The following NEK4 variants were observed in gnomAD, a reference collection of about 807,000 sequenced individuals.
NEK4 encodes serine/threonine-protein kinase Nek4.
Under a neutral mutation model 98.4 loss-of-function variants are expected in NEK4, and 86 were observed. That is an observed-to-expected ratio of 0.87 (90% CI 0.73 to 1.05). The LOEUF (loss-of-function observed/expected upper bound fraction) is 1.05. Ranked by LOEUF, NEK4 falls within the 50% of genes least tolerant of loss-of-function variation. The pLI is 0.00. For missense variants in NEK4, 898 were observed against 950.3 expected, an observed-to-expected ratio of 0.94 and a Z score of 0.72; for synonymous variants, 328 against 342.2, an observed-to-expected ratio of 0.96 and a Z score of 0.46.
Position 52,770,763 on chromosome 3 carries a change from C to A in NEK4, c.-17G>T. 1 of 1,552,872 alleles carries A rather than the reference C, an allele frequency of 6.4e-7. No individual in the cohort carries two copies. Among genetic ancestry groups the A allele is most frequent in the Non-Finnish European group, 8.7e-7 (1 of 1,149,518 alleles). ...CAGGGGCATGTTCCCAGCGCTGGCC[C>A]AGAGTCGGGATGCGGCGGCAGCGGC... is the stretch of plus-strand genomic sequence containing the variant. On this transcript the variant is annotated 5_prime_UTR_variant, in exon 1 of 16. Transcript: ENST00000233027.
chr3:52,763,646 T>C (rs189659485), intron 4 of NEK4, 22 bp from the exon 5 acceptor site: 1,157 of 1,536,278 alleles, frequency 7.5e-4, no homozygotes, highest in Non-Finnish European at 9.6e-4. Flanking sequence ...AATAATATTG[T>C]AATTATGACT....
intron 15 of NEK4, among the ~76,000 whole-genome samples, chr3:52,713,201 A>G (rs1381581535): frequency 6.6e-6 from 1 of 152,224 alleles, no homozygotes; most frequent in Non-Finnish European, 1.5e-5. Context: ...TATGTTAAAC[A>G]GATACTGTGA....
intron 15 of NEK4, among the ~76,000 whole-genome samples, chr3:52,724,377 G>A (rs911703654): frequency 6.6e-6 from 1 of 152,076 alleles, no homozygotes; most frequent in African/African-American, 2.4e-5. Context: ...GAACTGTGGA[G>A]GCCAGAAAGC....
intron 8 of NEK4, 31 bp downstream of exon 8, chr3:52,749,661 C>T (rs914789892): frequency 1.7e-5 from 4 of 240,184 alleles, no homozygotes; most frequent in Admixed American, 1.0e-4. Context: ...TGGTAAAACC[C>T]CATCTCTGCT....
Position 52,770,774 on chromosome 3 carries a change from T to TGCGGCG in NEK4, c.-34_-29dup. 1 of 1,543,664 alleles carries TGCGGCG rather than the reference T, an allele frequency of 6.5e-7. No homozygotes were observed. Among genetic ancestry groups the TGCGGCG allele is most frequent in the Non-Finnish European group, 8.7e-7 (1 of 1,143,390 alleles). The stretch of plus-strand genomic sequence containing the variant: ...TCCCAGCGCTGGCCCAGAGTCGGGA[T>TGCGGCG]GCGGCGGCAGCGGCGGGTAGGGCAG... On this transcript the variant is annotated 5_prime_UTR_variant, in exon 1 of 16. Coordinates refer to ENST00000233027, the MANE Select transcript of NEK4 (RefSeq NM_003157.6).
chr3:52,714,255 C>G (rs2878726), intron 15 of NEK4, among the ~76,000 whole-genome samples: 51,508 of 152,094 alleles, frequency 0.34, 9,731 homozygotes, highest in Admixed American at 0.46. Context: ...GGAAACGGTG[C>G]TAAGAGAAAA....
intron 15 of NEK4, among the ~76,000 whole-genome samples, chr3:52,735,844 G>C: frequency 6.6e-6 from 1 of 152,328 alleles, no homozygotes; most frequent in African/African-American, 2.4e-5. Flanking sequence ...TGAAGGAGTT[G>C]TTTGTTTCTG....
chr3:52,741,217 C>G (rs1057260581), intron 13 of NEK4, among the ~76,000 whole-genome samples, 194 bp downstream of exon 13: 1 of 103,620 alleles, frequency 9.7e-6, no homozygotes, highest in South Asian at 3.1e-4. Context: ...GCCTGGGCAA[C>G]AAGAGCGAAA....
intron 15 of NEK4, among the ~76,000 whole-genome samples, chr3:52,718,057 G>A (rs1678887424): frequency 6.6e-6 from 1 of 151,902 alleles, no homozygotes; most frequent in African/African-American, 2.4e-5. Flanking sequence ...GTCTCCCAAG[G>A]TTCTGGGATC....
intron 10 of NEK4, among the ~76,000 whole-genome samples, chr3:52,744,776 T>A (rs547181120): frequency 7.4e-6 from 1 of 135,562 alleles, no homozygotes; most frequent in Admixed American, 7.5e-5. Flanking sequence ...CTTAGAGGAG[T>A]GTCCATTGGA....
intron 6 of NEK4, chr3:52,754,735 C>T (rs1383424388): frequency 2.2e-6 from 1 of 464,308 alleles, no homozygotes; most frequent in African/African-American, 2.0e-5. Flanking sequence ...TCCTGCTGGA[C>T]TCTGGACTAG....
At chr3:52,712,660 G>A (rs2097351558) in intron 15 of NEK4, among the ~76,000 whole-genome samples, 1 of 152,210 alleles carries the variant, frequency 6.6e-6, no homozygotes, top group South Asian at 2.1e-4. Context: ...GGAACCAGAA[G>A]GAAGATGGTT....
intron 15 of NEK4, among the ~76,000 whole-genome samples, chr3:52,712,181 A>G (rs1416474670): frequency 1.3e-5 from 2 of 152,276 alleles, no homozygotes; most frequent in Admixed American, 1.3e-4. Context: ...AAACAAAATC[A>G]ATTTCATAGA....
intron 15 of NEK4, among the ~76,000 whole-genome samples, chr3:52,731,811 A>G (rs2097369929): frequency 6.6e-6 from 1 of 152,064 alleles, no homozygotes; most frequent in Admixed American, 6.6e-5. Flanking sequence ...CTCCACCCAA[A>G]TCTCATCTTG....
At position 52,744,313 on chromosome 3, in the gene NEK4, A is replaced by G; in HGVS notation, c.1828-8T>C. The G allele has an allele frequency of 6.2e-7, 1 of 1,607,404 alleles. No homozygotes were observed. Among genetic ancestry groups the G allele is most frequent in the Non-Finnish European group, 8.5e-7 (1 of 1,173,926 alleles). On this transcript the variant is annotated splice_region_variant and splice_polypyrimidine_tract_variant and intron_variant, in intron 10 of 15. Transcript: ENST00000233027. Reference sequence around the variant, plus strand: ...GGCTGATAATGGTCGATCCTTTAAAAGAAAGTCACAGAGTCACTTCCATTC... The same window carrying G: ...GGCTGATAATGGTCGATCCTTTAAAGGAAAGTCACAGAGTCACTTCCATTC...
rs56168225 is a variant in NEK4, at chr3:52,711,815, G to A, written c.2488C>T (p.Arg830Cys). The A allele has an allele frequency of 7.0e-5, 112 of 1,610,564 alleles. No homozygotes were observed. Among genetic ancestry groups the A allele is most frequent in the African/African-American group, 6.8e-4 (51 of 74,916 alleles). Residue 830 changes from arginine (R) to cysteine (C), a missense_variant, in exon 16 of 16, where the codon CGC (arginine) becomes TGC (cysteine). Coordinates refer to ENST00000233027, the MANE Select transcript of NEK4 (RefSeq NM_003157.6). Reference sequence around the variant, plus strand: ...TTTTCTTCAAAAAATTTCAACTGGCGAGCTTTCACACTGTAAGTTGTATAC... The same window carrying A: ...TTTTCTTCAAAAAATTTCAACTGGCAAGCTTTCACACTGTAAGTTGTATAC... ...EKYTTYSVKARQLKFFEENMN... is the reference protein window; with the variant it reads ...EKYTTYSVKACQLKFFEENMN...
chr3:52,717,812 CAG>C (rs1327739663), intron 15 of NEK4, among the ~76,000 whole-genome samples: 1 of 152,040 alleles, frequency 6.6e-6, no homozygotes, highest in Admixed American at 6.6e-5. Context: ...TTCTTTGAGA[CAG>C]AGTCTCTCTC....
At chr3:52,738,182 C>T (rs56276589) in intron 14 of NEK4, among the ~76,000 whole-genome samples, 14,326 of 151,810 alleles carry the variant, frequency 0.094, 1,672 homozygotes, top group African/African-American at 0.28. Flanking sequence ...CCATAGCTCA[C>T]TATAGCCTCT....
At chr3:52,722,643 C>T (rs2154102286) in intron 15 of NEK4, among the ~76,000 whole-genome samples, 1 of 152,276 alleles carries the variant, frequency 6.6e-6, no homozygotes, top group East Asian at 1.9e-4. Flanking sequence ...TGACTCACGC[C>T]TGTAATTACA....
Sources: gnomAD v4.1 joint callset for allele counts (sites outside exome capture counted in the v4.1 genomes callset) on GRCh38, gnomAD v4.1.1 for gene constraint, MANE v1.5 for transcripts, NCBI Gene and HGNC (gene_info 2026-07-23, HGNC 2026-07-21) for gene names.